FAT2: variants seen among roughly 807,000 people sequenced by gnomAD.
FAT2 encodes FAT atypical cadherin 2.
FAT2 carries 150 observed loss-of-function variants against 295.3 expected under a neutral mutation model. The observed-to-expected ratio is 0.51, with a 90% CI of 0.44 to 0.58. The LOEUF (loss-of-function observed/expected upper bound fraction) is 0.58, where lower values mean the gene tolerates loss of function less well. Among genes scored for constraint, FAT2 ranks in the 20% least tolerant of loss-of-function variants. The pLI, the probability that FAT2 is intolerant of heterozygous loss-of-function variation, is 0.00. For missense variants in FAT2, 4,868 were observed against 5,442.7 expected, an observed-to-expected ratio of 0.89 and a Z score of 3.32; for synonymous variants, 2,026 against 2,150.3, an observed-to-expected ratio of 0.94 and a Z score of 1.60.
intron 1 of FAT2, among the ~76,000 whole-genome samples, chr5:151,586,258 C>T (rs966309601): frequency 1.3e-5 from 2 of 152,240 alleles, no homozygotes; most frequent in Admixed American, 1.3e-4. Flanking sequence ...GGCTTGTGCC[C>T]AGGCCAACTG....
At position 151,505,628 on chromosome 5, in the gene FAT2, G is replaced by C. The variant is rs778212467; in HGVS notation, c.12987C>G (p.Pro4329=). ...LAGQGQPRVP[P]NYEGSDMVES... is the part of the protein sequence containing the mutation. ...CCACCATGTCAGAGCCCTCATAGTTGGGGGGCACCCGGGGCTGGCCCTGGC... is the reference window on the plus strand; with the variant it reads ...CCACCATGTCAGAGCCCTCATAGTTCGGGGGCACCCGGGGCTGGCCCTGGC... The change falls in exon 24 of 24, where the codon CCC becomes CCG. Residue 4329 remains proline (P), a synonymous_variant. Transcript: ENST00000261800. 2 of 1,614,122 alleles carry C rather than the reference G, an allele frequency of 1.2e-6. No homozygotes were observed. The highest frequency in any genetic ancestry group is 2.2e-5 in the South Asian group (2 of 91,082).
In FAT2 at chr5:151,540,451, C is replaced by T. The variant is rs570935051; in HGVS notation, c.9039+116G>A. ...AATCTCCCTTCTCCTGCCCCTCACT[C>T]TCTGTTCTCCTGCCCCTCAATCTCC... On this transcript the variant is annotated intron_variant, in intron 11 of 23. Transcript: ENST00000261800. 1.3e-5 allele frequency: 9 copies of T among 685,322 alleles called. No homozygotes were observed. In the East Asian group the frequency reaches 2.5e-4, roughly 19 times the overall value. 42.5% of individuals were successfully genotyped at this position (685,322 alleles called of 1,614,324 possible). A position where few individuals can be genotyped will look rare whatever the true frequency, so the allele number is the denominator to read the frequency against.
At chr5:151,536,972 A>G (rs1161944646) in intron 12 of FAT2, among the ~76,000 whole-genome samples, 1 of 151,960 alleles carries the variant, frequency 6.6e-6, no homozygotes, top group African/African-American at 2.4e-5. Flanking sequence ...TCTTTGTATA[A>G]ATTCTCCTGC....
intron 1 of FAT2, among the ~76,000 whole-genome samples, 79 bp downstream of exon 1, chr5:151,591,086 C>G (rs904694884): frequency 4.6e-5 from 7 of 152,246 alleles, no homozygotes; most frequent in Non-Finnish European, 8.8e-5. Context: ...CAACTCCAGC[C>G]TGCTTTGGAA....
Position 151,580,602 on chromosome 5 carries a change from C to T in FAT2, c.-21+10563G>A, listed in dbSNP as rs190181608. ...CCCTTAACACACACGCGTGCTCGCA[C>T]ACACACACACGGGTCTTTGTGACGT... On this transcript the variant is annotated intron_variant, in intron 1 of 23. Coordinates refer to ENST00000261800, the MANE Select transcript of FAT2 (RefSeq NM_001447.3). Among the ~76,000 whole-genome samples the T allele has an allele frequency of 3.3e-3, 506 of 152,286 alleles. 1 individual carries two copies. The highest frequency in any genetic ancestry group is 0.012 in the African/African-American group (478 of 41,562).
rs1756805454 is a variant in FAT2 at position 151,547,905 on chromosome 5, A to G, written c.4789+1390T>C. On this transcript the variant is annotated intron_variant, in intron 9 of 23. Transcript: ENST00000261800. The stretch of plus-strand genomic sequence containing the variant: ...TGGTTATGTGTTGTGTTCTTTATAC[A>G]TTCCTGTATTTTTCGTGTTTTCAAA... Among the ~76,000 whole-genome samples, 6 of 152,284 alleles carry G rather than the reference A, an allele frequency of 3.9e-5. No individual in the cohort carries two copies. In the South Asian group the frequency reaches 1.2e-3, roughly 32 times the overall value.
In FAT2 at chr5:151,550,702, T is replaced by C; in HGVS notation, c.4466A>G (p.Gln1489Arg). 6.2e-7 allele frequency: 1 copy of C among 1,614,160 alleles called. No individual in the cohort carries two copies. The highest frequency in any genetic ancestry group is 1.3e-5 in the African/African-American group (1 of 75,046). ...GAAGAGGCTGGCACTTCCTGGGTCTTGGCTGCCATGTATGGTATAGATGAG... is the reference window on the plus strand; with the variant it reads ...GAAGAGGCTGGCACTTCCTGGGTCTCGGCTGCCATGTATGGTATAGATGAG... ...KSLIYTIHGSQDPGSASLFQL... is the reference protein window; with the variant it reads ...KSLIYTIHGSRDPGSASLFQL... Residue 1489 changes from glutamine (Q) to arginine (R), a missense_variant, in exon 8 of 24, where the codon CAA (glutamine) becomes CGA (arginine). Around this residue, in one of 5 missense-constraint regions of FAT2, gnomAD observed 3,297 missense variants for 3,669.4 expected, o/e 0.90. Transcript: ENST00000261800.
Position 151,566,673 on chromosome 5 carries a change from C to G in FAT2, c.2259G>C (p.Val753=). Residue 753 remains valine, a synonymous_variant, in exon 2 of 24, where the codon GTG becomes GTC. Transcript: ENST00000261800. Reference sequence around the variant, plus strand: ...AGCCCTCCTCATTGCCATCTGCAATCACATAGACCAGTTTGCCATTAAAAC... The same window carrying G: ...AGCCCTCCTCATTGCCATCTGCAATGACATAGACCAGTTTGCCATTAAAAC... ...DAGFNGKLVY[V]IADGNEEGCF... 6.2e-7 allele frequency: 1 copy of G among 1,614,200 alleles called. No individual in the cohort carries two copies. Among genetic ancestry groups the G allele is most frequent in the Non-Finnish European group, 8.5e-7 (1 of 1,180,040 alleles).
intron 18 of FAT2, 49 bp from the exon 19 acceptor site, chr5:151,522,135 T>C (rs1292921023): frequency 2.8e-6 from 4 of 1,429,708 alleles, no homozygotes; most frequent in Non-Finnish European, 3.8e-6. Context: ...TGCAGTGCTC[T>C]TGCGCCCGAC....
At position 151,546,317 on chromosome 5, in the gene FAT2, TGAA is replaced by T. The variant is rs750399056; in HGVS notation, c.4807_4809del (p.Phe1603del). 6.2e-7 allele frequency: 1 copy of T among 1,613,018 alleles called. No homozygotes were observed. The highest frequency in any genetic ancestry group is 8.5e-7 in the Non-Finnish European group (1 of 1,179,460). ...ATGATGCCTAGCAGGGCATTGATGT[TGAA>T]GAAACCTTCGCTGTTCCCTGAAACA... On this transcript the variant is annotated inframe_deletion, in exon 10 of 24. Coordinates refer to ENST00000261800, the MANE Select transcript of FAT2 (RefSeq NM_001447.3).
intron 1 of FAT2, among the ~76,000 whole-genome samples, chr5:151,577,758 T>A (rs919831616): frequency 2.0e-5 from 3 of 152,152 alleles, no homozygotes; most frequent in Non-Finnish European, 4.4e-5. Context: ...CAGATCCTGA[T>A]ACGCAATGAG....
chr5:151,546,821 C>T lies in FAT2; in HGVS notation c.4790-484G>A, dbSNP rs185176435. On this transcript the variant is annotated intron_variant, in intron 9 of 23. Transcript: ENST00000261800. Reference sequence around the variant, plus strand: ...GCAGCCTCAAACTCCTGGGCTCAAGCGGTCCTCCAGCCTCAGCCTCTGGTG... The same window carrying T: ...GCAGCCTCAAACTCCTGGGCTCAAGTGGTCCTCCAGCCTCAGCCTCTGGTG... Among the ~76,000 whole-genome samples the T allele has an allele frequency of 3.2e-3, 489 of 152,094 alleles. 1 individual carries two copies. The highest frequency in any genetic ancestry group is 0.031 in the Middle Eastern group (9 of 294).
chr5:151,512,486 C>T lies in FAT2; in HGVS notation c.11584G>A (p.Ala3862Thr), dbSNP rs747251482. 6 of 1,614,206 alleles carry T rather than the reference C, an allele frequency of 3.7e-6. No individual in the cohort carries two copies. Among genetic ancestry groups the T allele is most frequent in the African/African-American group, 1.3e-5 (1 of 75,040 alleles). The change falls in exon 21 of 24, where the codon GCT becomes ACT. Residue 3862 changes from alanine to threonine, a missense_variant. Physicochemically the swap from Ala to Thr is moderately conservative, Grantham distance 58. Around this residue, in one of 5 missense-constraint regions of FAT2, gnomAD observed 1,046 missense variants for 1,210.1 expected, o/e 0.86. Transcript: ENST00000261800. This position sits in a 1 kb window ranked among gnomAD's most constrained non-coding sequence, Gnocchi z 4.1. ...CTGTCAACCATCAGGCGAATGGAAG[C>T]GTCCATCTCCTCCACCAGGATGGAG... The part of the protein sequence containing the change: ...WHSILVEEMD[A>T]SIRLMVDSMG...
chr5:151,555,645 C>T (rs1757629198), intron 4 of FAT2, among the ~76,000 whole-genome samples: 1 of 152,152 alleles, frequency 6.6e-6, no homozygotes, highest in African/African-American at 2.4e-5. Context: ...GCTGGGATTA[C>T]AGGCATGAGC....
rs769750949 is a variant in FAT2 at position 151,531,808 on chromosome 5, G to T, written c.9590C>A (p.Pro3197Gln). ...VRASDLGTPI[P>Q]LSTLGTVTVS... ...TGTGACGGTGCCCAGCGTGGACAGCGGTATTGGGGTGCCCAGGTCAGAGGC... is the reference window on the plus strand; with the variant it reads ...TGTGACGGTGCCCAGCGTGGACAGCTGTATTGGGGTGCCCAGGTCAGAGGC... The change falls in exon 14 of 24, where the codon CCG becomes CAG. Residue 3197 changes from proline (P) to glutamine (Q), a missense_variant. Physicochemically the swap from Pro to Gln is moderately conservative, Grantham distance 76. Coordinates refer to ENST00000261800, the MANE Select transcript of FAT2 (RefSeq NM_001447.3). This position sits in a 1 kb window ranked among gnomAD's most constrained non-coding sequence, Gnocchi z 5.7. 6.2e-7 allele frequency: 1 copy of T among 1,613,540 alleles called. No individual in the cohort carries two copies. Among genetic ancestry groups the T allele is most frequent in the South Asian group, 1.1e-5 (1 of 91,078 alleles).
Position 151,545,238 on chromosome 5 carries a change from G to A in FAT2, c.5889C>T (p.Asp1963=), listed in dbSNP as rs765295788. The change falls in exon 10 of 24, where the codon GAC becomes GAT. Residue 1963 remains aspartate, a synonymous_variant. Transcript: ENST00000261800. ...CATCCTGATCAAACTGCAAGCTTTT[G>A]TCAAGCACTTGGGTCAAAGAAATTT... is the stretch of plus-strand genomic sequence containing the variant. ...LVKISLTQVL[D]KSLQFDQDVY... 2 of 1,614,154 alleles carry A rather than the reference G, an allele frequency of 1.2e-6. No homozygotes were observed. The highest frequency in any genetic ancestry group is 1.7e-5 in the Admixed American group (1 of 60,016).
chr5:151,507,520 T>A lies in FAT2; in HGVS notation c.12151A>T (p.Ile4051Phe). Reference sequence around the variant, plus strand: ...ATGAACGCCACGGCCACTGTGATGATCAGTAACTCCTGCTGCCCCCAGTCC... The same window carrying A: ...ATGAACGCCACGGCCACTGTGATGAACAGTAACTCCTGCTGCCCCCAGTCC... ...RGDWGQQELL[I>F]ITVAVAFIII... Residue 4051 changes from isoleucine (I) to phenylalanine (F), a missense_variant, in exon 23 of 24, where the codon ATC becomes TTC. Physicochemically the swap from Ile to Phe is conservative, Grantham distance 21 (BLOSUM62 0). Transcript: ENST00000261800. 1 of 1,613,988 alleles carries A rather than the reference T, an allele frequency of 6.2e-7. No individual in the cohort carries two copies. The highest frequency in any genetic ancestry group is 8.5e-7 in the Non-Finnish European group (1 of 1,179,982).
intron 2 of FAT2, among the ~76,000 whole-genome samples, chr5:151,565,174 A>G (rs908881475): frequency 6.6e-6 from 1 of 152,206 alleles, no homozygotes; most frequent in African/African-American, 2.4e-5. Flanking sequence ...TATGTGGCCA[A>G]TTAAAACAAA....
intron 2 of FAT2, among the ~76,000 whole-genome samples, chr5:151,565,425 TTACTTTTATAA>T (rs1758204506): frequency 1.3e-5 from 2 of 152,156 alleles, no homozygotes; most frequent in African/African-American, 4.8e-5. Context: ...ATCAGATGTA[TTACTTTTATAA>T]ACAGAATATG....
Sources: allele counts gnomAD v4.1 joint callset (sites outside exome capture counted in the v4.1 genomes callset), GRCh38; gene constraint gnomAD v4.1.1; regional missense constraint gnomAD v4.1.1; non-coding constraint Gnocchi (gnomAD v3.1); transcripts MANE v1.5; gene names NCBI Gene and HGNC (gene_info 2026-07-23, HGNC 2026-07-21).